The following PPFIBP2 variants were observed in gnomAD, a reference collection of about 807,000 sequenced individuals.
PPFIBP2 encodes the protein liprin-beta-2.
In PPFIBP2, 118 loss-of-function variants were observed where a neutral mutation model predicts 118.3. The observed-to-expected ratio is 1.00, with a 90% CI of 0.86 to 1.16. PPFIBP2 has a LOEUF of 1.16. Among genes scored for constraint, PPFIBP2 ranks in the 50% most tolerant of loss-of-function variants. The pLI is 0.00. For missense variants in PPFIBP2, 1,195 were observed against 1,073.1 expected, an observed-to-expected ratio of 1.11 and a Z score of -1.59; for synonymous variants, 414 against 397.4, an observed-to-expected ratio of 1.04 and a Z score of -0.50.
At chr11:7,519,041 T>A (rs2134236447) in intron 1 of PPFIBP2, among the ~76,000 whole-genome samples, 1 of 152,132 alleles carries the variant, frequency 6.6e-6, no homozygotes, top group East Asian at 1.9e-4. Flanking sequence ...GTACAGGCAG[T>A]GCTAGAGTTG....
intron 3 of PPFIBP2, among the ~76,000 whole-genome samples, chr11:7,584,564 C>T (rs1025318982): frequency 6.6e-6 from 1 of 152,152 alleles, no homozygotes; most frequent in African/African-American, 2.4e-5. Flanking sequence ...TGGGAATACT[C>T]AGGTTTATAA....
At chr11:7,517,384 G>A (rs183392483) in intron 1 of PPFIBP2, among the ~76,000 whole-genome samples, 10 of 152,234 alleles carry the variant, frequency 6.6e-5, no homozygotes, top group Non-Finnish European at 7.4e-5. Context: ...CCCTAACAGC[G>A]GGGTTAACTA....
In PPFIBP2 at chr11:7,597,603, T is replaced by C. The variant is rs754218032; in HGVS notation, c.416T>C (p.Ile139Thr). ...TDQVEAQGEK[I>T]RDLEVCLEGH... ...CAAGTAGAAGCCCAGGGAGAAAAGATTCGAGACCTGGAAGTGTGTCTGGAA... is the reference window on the plus strand; with the variant it reads ...CAAGTAGAAGCCCAGGGAGAAAAGACTCGAGACCTGGAAGTGTGTCTGGAA... The change falls in exon 5 of 24, where the codon ATT (isoleucine) becomes ACT (threonine). Residue 139 changes from isoleucine (I) to threonine (T), a missense_variant. Ile to Thr is a moderately conservative substitution (Grantham distance 89). Coordinates refer to ENST00000299492, the MANE Select transcript of PPFIBP2 (RefSeq NM_003621.5). The C allele has an allele frequency of 6.2e-7, 1 of 1,614,036 alleles. No individual in the cohort carries two copies. Among genetic ancestry groups the C allele is most frequent in the Non-Finnish European group, 8.5e-7 (1 of 1,179,998 alleles).
At chr11:7,648,260 T>G (rs1853412918) in intron 17 of PPFIBP2, 127 bp from the exon 18 acceptor site, 2 of 1,034,286 alleles carry the variant, frequency 1.9e-6, no homozygotes, top group Non-Finnish European at 2.7e-6. Context: ...ATGATGGAGG[T>G]TGTTTGTTAA....
At chr11:7,603,111 A>G (rs56389504) in intron 5 of PPFIBP2, among the ~76,000 whole-genome samples, 2,596 of 152,304 alleles carry the variant, frequency 0.017, 74 homozygotes, top group African/African-American at 0.059. Context: ...AGAATATTAA[A>G]CAGAGCTGTG....
chr11:7,604,646 C>T (rs34370478), intron 5 of PPFIBP2, among the ~76,000 whole-genome samples: 26,149 of 152,030 alleles, frequency 0.17, 3,497 homozygotes, highest in African/African-American at 0.37. Context: ...TGGGAGTTGA[C>T]GGTGTTAGCT....
intron 3 of PPFIBP2, among the ~76,000 whole-genome samples, chr11:7,581,807 G>T (rs940587733): frequency 1.3e-5 from 2 of 151,834 alleles, no homozygotes; most frequent in African/African-American, 4.8e-5. Context: ...TTATATATAT[G>T]GATAAACAAT....
At chr11:7,571,264 C>G (rs181708067) in intron 3 of PPFIBP2, among the ~76,000 whole-genome samples, 120 of 152,290 alleles carry the variant, frequency 7.9e-4, no homozygotes, top group Admixed American at 1.3e-3. Context: ...AGCCACCCCC[C>G]CTTCTCAGCT....
chr11:7,527,653 T>TG (rs1320210443), intron 1 of PPFIBP2, among the ~76,000 whole-genome samples: 3 of 151,916 alleles, frequency 2.0e-5, no homozygotes, highest in Non-Finnish European at 2.9e-5. Flanking sequence ...AGAAAGATGT[T>TG]GGGGGGGCCT....
chr11:7,636,124 A>G (rs1200810875), intron 14 of PPFIBP2, among the ~76,000 whole-genome samples: 4 of 152,214 alleles, frequency 2.6e-5, no homozygotes, highest in African/African-American at 7.2e-5. Flanking sequence ...TATAATTAGC[A>G]TGATTTCAGC....
At chr11:7,579,262 C>G (rs953630686) in intron 3 of PPFIBP2, among the ~76,000 whole-genome samples, 2 of 152,184 alleles carry the variant, frequency 1.3e-5, no homozygotes, top group South Asian at 4.1e-4. Context: ...TGGTCTTGAA[C>G]CCTGTTCTCT....
At chr11:7,656,817 G>C, downstream of PPFIBP2, 1 of 1,289,660 alleles carries the variant, frequency 7.8e-7, no homozygotes, top group Non-Finnish European at 1.0e-6. Context: ...GTGGCTGAGA[G>C]CGTAGGGAGG....
At chr11:7,648,771 C>A in intron 18 of PPFIBP2, 29 bp from the exon 19 acceptor site, 1 of 1,604,544 alleles carries the variant, frequency 6.2e-7, no homozygotes, top group South Asian at 1.1e-5. Context: ...GCCAAAATTT[C>A]ACATGTGGTC....
chr11:7,644,920 G>T (rs187776231), intron 17 of PPFIBP2, among the ~76,000 whole-genome samples: 31 of 148,518 alleles, frequency 2.1e-4, no homozygotes, highest in African/African-American at 7.7e-4. Context: ...CCAGCTACTC[G>T]GGAGGCTGAG....
chr11:7,651,104 A>C (rs1263037622), intron 22 of PPFIBP2, 139 bp downstream of exon 22: 2 of 905,394 alleles, frequency 2.2e-6, no homozygotes, highest in Non-Finnish European at 3.3e-6. Context: ...TTGATGTCTC[A>C]AAGTATTTTG....
intron 3 of PPFIBP2, among the ~76,000 whole-genome samples, chr11:7,578,138 C>G (rs796757061): frequency 5.9e-5 from 9 of 152,312 alleles, no homozygotes; most frequent in African/African-American, 2.2e-4. Context: ...TTTGAATGCT[C>G]TGAAGCTGAG....
downstream of PPFIBP2, among the ~76,000 whole-genome samples, chr11:7,655,941 G>A (rs1199190529): frequency 6.6e-6 from 1 of 152,146 alleles, no homozygotes; most frequent in Non-Finnish European, 1.5e-5. Flanking sequence ...ATCACAGAGT[G>A]TTGACAGGCT....
chr11:7,528,836 T>C lies in PPFIBP2; in HGVS notation c.-37+14715T>C, dbSNP rs577369917. On this transcript the variant is annotated intron_variant, in intron 1 of 23. Transcript: ENST00000299492. ...CTGCCTGCTCAAGTTGGGGTTCTTA[T>C]GCGTATATCTAGTACAGTCAGCCAG... Among the ~76,000 whole-genome samples, 3 of 152,298 alleles carry C rather than the reference T, an allele frequency of 2.0e-5. No homozygotes were observed. The East Asian group carries it at 5.8e-4, about 29-fold the overall frequency.
At chr11:7,639,638 C>G in intron 14 of PPFIBP2, 94 bp from the exon 15 acceptor site, 1 of 1,534,472 alleles carries the variant, frequency 6.5e-7, no homozygotes, top group Non-Finnish European at 8.9e-7. Flanking sequence ...AAAAATGGCT[C>G]TTGCAAAACA....
Sources: allele counts gnomAD v4.1 joint callset (sites outside exome capture counted in the v4.1 genomes callset), GRCh38; gene constraint gnomAD v4.1.1; transcripts MANE v1.5; gene names NCBI Gene and HGNC (gene_info 2026-07-23, HGNC 2026-07-21).